The following CCNYL1 variants were observed in gnomAD, a reference collection of about 807,000 sequenced individuals.
The protein encoded by CCNYL1 is cyclin-Y-like protein 1.
A neutral mutation model predicts 44.2 loss-of-function variants in CCNYL1; 16 were observed. The ratio of observed to expected loss-of-function variants is 0.36; its 90% CI spans 0.25 to 0.55. CCNYL1 has a LOEUF of 0.55. Among genes scored for constraint, CCNYL1 ranks in the 20% least tolerant of loss-of-function variants. CCNYL1 has a pLI of 0.85. For synonymous variants in CCNYL1, 159 were observed against 163.2 expected, an observed-to-expected ratio of 0.97 and a Z score of 0.20; for missense variants, 348 against 451.8, an observed-to-expected ratio of 0.77 and a Z score of 2.08.
chr2:207,729,269 CCACCCCCCCCA>C (rs2091705539), intron 3 of CCNYL1, among the ~76,000 whole-genome samples: 2 of 102,008 alleles, frequency 2.0e-5, no homozygotes, highest in African/African-American at 9.8e-5. Flanking sequence ...CGCCCCCACC[CCACCCCCCCCA>C]CCCCCCCGCA....
At chr2:207,729,250 G>GCCCCCCCCCCCCCCCCCCCCCCCCCC (rs1247562126) in intron 3 of CCNYL1, among the ~76,000 whole-genome samples, 1 of 68,188 alleles carries the variant, frequency 1.5e-5, no homozygotes, top group African/African-American at 8.8e-5. Flanking sequence ...ACTTGTCTCC[G>GCCCCCCCCCCCCCCCCCCCCCCCCCC]CCCCCCCCCG....
At chr2:207,728,943 C>T (rs371049253) in intron 3 of CCNYL1, among the ~76,000 whole-genome samples, 21 of 152,098 alleles carry the variant, frequency 1.4e-4, no homozygotes, top group African/African-American at 3.9e-4. Context: ...ACTACAGGGG[C>T]GTGCCACCAA....
At chr2:207,727,525 CT>C (rs1225049965) in intron 3 of CCNYL1, among the ~76,000 whole-genome samples, 1 of 152,208 alleles carries the variant, frequency 6.6e-6, no homozygotes. Flanking sequence ...GCTTTCATGT[CT>C]TTTTTTTTGT....
At chr2:207,717,445 C>T (rs2091605820) in intron 1 of CCNYL1, among the ~76,000 whole-genome samples, 1 of 152,312 alleles carries the variant, frequency 6.6e-6, no homozygotes, top group South Asian at 2.1e-4. Flanking sequence ...GTATACAAGA[C>T]AGAACCTCAT....
intron 1 of CCNYL1, among the ~76,000 whole-genome samples, chr2:207,716,379 T>C (rs1479486033): frequency 1.3e-5 from 2 of 151,814 alleles, no homozygotes; most frequent in Admixed American, 6.6e-5. Context: ...ATATGTTTGA[T>C]GTAAAAGACA....
chr2:207,739,429 C>T (rs1375096457), intron 5 of CCNYL1, among the ~76,000 whole-genome samples: 1 of 152,100 alleles, frequency 6.6e-6, no homozygotes, highest in Non-Finnish European at 1.5e-5. Flanking sequence ...GGGGTTTCAC[C>T]CTGTTGGCCA....
chr2:207,732,099 C>T (rs1032729955), intron 3 of CCNYL1, among the ~76,000 whole-genome samples: 4 of 152,152 alleles, frequency 2.6e-5, no homozygotes, highest in South Asian at 4.1e-4. Flanking sequence ...TGTGAGCCAC[C>T]GTGCCCAGCC....
At position 207,719,382 on chromosome 2, in the gene CCNYL1, C is replaced by G. The variant is rs558966979; in HGVS notation, c.221-5418C>G. ...GTGGCACGAGCTCAGCTCACTGCAA[C>G]CTCCACCTCCTGGGTTCCAGCAGTT... On this transcript the variant is annotated intron_variant, in intron 1 of 9. Coordinates refer to ENST00000295414, the MANE Select transcript of CCNYL1 (RefSeq NM_001330218.2). Among the ~76,000 whole-genome samples, 11 of 146,854 alleles carry G rather than the reference C, an allele frequency of 7.5e-5. 1 individual carries two copies. The South Asian group carries it at 2.2e-3, about 29-fold the overall frequency.
chr2:207,721,810 C>T (rs1270201167), intron 1 of CCNYL1, among the ~76,000 whole-genome samples: 2 of 151,350 alleles, frequency 1.3e-5, no homozygotes, highest in Non-Finnish European at 2.9e-5. Flanking sequence ...TCTCGGCTCA[C>T]TGCAACCTCT....
chr2:207,747,850 G>A (rs185052795), intron 8 of CCNYL1, among the ~76,000 whole-genome samples: 7 of 152,172 alleles, frequency 4.6e-5, no homozygotes, highest in Non-Finnish European at 1.0e-4. Context: ...GAACCACTAC[G>A]CCTGGCCTCT....
At chr2:207,742,164 A>C (rs574711946) in intron 6 of CCNYL1, 59 bp from the exon 7 acceptor site, 1 of 1,539,944 alleles carries the variant, frequency 6.5e-7, no homozygotes, top group African/African-American at 1.4e-5. Context: ...AAAAAAAAAA[A>C]AAAAGCTTAA....
intron 1 of CCNYL1, among the ~76,000 whole-genome samples, chr2:207,723,005 C>T (rs2091652583): frequency 6.6e-6 from 1 of 151,020 alleles, no homozygotes; most frequent in African/African-American, 2.4e-5. Context: ...CTGTGAAAGT[C>T]TCTGCCTGTC....
chr2:207,742,371 T>C lies in CCNYL1; in HGVS notation c.639+29T>C, dbSNP rs1382070096. 5 of 1,599,014 alleles carry C rather than the reference T, an allele frequency of 3.1e-6. No homozygotes were observed. The East Asian group carries it at 1.1e-4, about 36-fold the overall frequency. On this transcript the variant is annotated intron_variant, in intron 7 of 9. Transcript: ENST00000295414. Reference sequence around the variant, plus strand: ...AGATATTTCTCATTTATAAAGTGTCTTTAGAAATTAGTCTTGTACACAGGG... The same window carrying C: ...AGATATTTCTCATTTATAAAGTGTCCTTAGAAATTAGTCTTGTACACAGGG...
intron 1 of CCNYL1, among the ~76,000 whole-genome samples, chr2:207,719,913 TGTG>T (rs2091627088): frequency 1.3e-5 from 2 of 151,772 alleles, no homozygotes; most frequent in African/African-American, 4.8e-5. Context: ...TATGGTCAGG[TGTG>T]GTGGTGGCTC....
intron 8 of CCNYL1, chr2:207,750,720 C>G (rs1335584579): frequency 2.9e-5 from 12 of 416,824 alleles, no homozygotes; most frequent in Non-Finnish European, 4.7e-5. Flanking sequence ...GTCAGCAGCA[C>G]AAGTGCATCG....
At chr2:207,746,484 T>C (rs1189222940) in intron 7 of CCNYL1, among the ~76,000 whole-genome samples, 1 of 152,204 alleles carries the variant, frequency 6.6e-6, no homozygotes, top group East Asian at 1.9e-4. Context: ...TTGATGATGC[T>C]GTTTGCTGAG....
At chr2:207,716,203 A>T (rs2105816656) in intron 1 of CCNYL1, among the ~76,000 whole-genome samples, 1 of 152,282 alleles carries the variant, frequency 6.6e-6, no homozygotes, top group East Asian at 1.9e-4. Flanking sequence ...TTTGCTGGCT[A>T]AAGGCGCTCT....
rs2091915106 is a variant in CCNYL1, at chr2:207,754,214, CTACTGT to C, written c.*520_*525del. On this transcript the variant is annotated 3_prime_UTR_variant, in exon 10 of 10. Coordinates refer to ENST00000295414, the MANE Select transcript of CCNYL1 (RefSeq NM_001330218.2). ...TTAGGTACTGAAGGGTTCTTCCTCC[CTACTGT>C]TACCATTGAAGCTGCTAGTCATTGG... is the stretch of plus-strand genomic sequence containing the variant. The C allele has an allele frequency of 9.5e-6, 1 of 105,702 alleles. No individual in the cohort carries two copies. Among genetic ancestry groups the C allele is most frequent in the African/African-American group, 4.2e-5 (1 of 24,088 alleles). The allele number at this position is 105,702 out of a possible 1,614,324, so 6.5% of individuals were successfully genotyped here.
chr2:207,719,313 T>TC (rs1428129749), intron 1 of CCNYL1, among the ~76,000 whole-genome samples: 1 of 151,386 alleles, frequency 6.6e-6, no homozygotes. Flanking sequence ...TTTTTTTTTT[T>TC]TTTTTGAGAT....
Sources: gnomAD v4.1 joint callset for allele counts (sites outside exome capture counted in the v4.1 genomes callset) on GRCh38, gnomAD v4.1.1 for gene constraint, MANE v1.5 for transcripts, NCBI Gene and HGNC (gene_info 2026-07-23, HGNC 2026-07-21) for gene names.